INPP4B: variants seen among roughly 807,000 people sequenced by gnomAD.
INPP4B encodes inositol polyphosphate 4-phosphatase type II.
INPP4B carries 55 observed loss-of-function variants against 122.5 expected under a neutral mutation model. The ratio of observed to expected loss-of-function variants is 0.45; its 90% CI spans 0.36 to 0.56. The LOEUF (loss-of-function observed/expected upper bound fraction) is 0.56. Among genes scored for constraint, INPP4B ranks in the 20% least tolerant of loss-of-function variants. The pLI, the probability that INPP4B is intolerant of heterozygous loss-of-function variation, is 0.00. For missense variants in INPP4B, 1,000 were observed against 1,097.7 expected (o/e 0.91, Z 1.26); for synonymous variants, 403 against 388.7 (o/e 1.04, Z -0.43).
intron 2 of INPP4B, among the ~76,000 whole-genome samples, chr4:142,540,574 C>T (rs375102834): frequency 2.5e-4 from 38 of 152,266 alleles, no homozygotes; most frequent in Middle Eastern, 3.4e-3. Context: ...AATAGAAATA[C>T]TCATCTGCCA....
At chr4:142,471,769 TCCAAGCCTGAGCACCC>T (rs1818880123) in intron 2 of INPP4B, among the ~76,000 whole-genome samples, 1 of 136,196 alleles carries the variant, frequency 7.3e-6, no homozygotes, top group African/African-American at 2.6e-5. Context: ...GCACCCGCAA[TCCAAGCCTGAGCACCC>T]GCAATCCAAG....
At chr4:142,589,370 G>C (rs761908111) in intron 2 of INPP4B, among the ~76,000 whole-genome samples, 2 of 151,900 alleles carry the variant, frequency 1.3e-5, no homozygotes, top group Non-Finnish European at 2.9e-5. Context: ...ACACAGACTA[G>C]AATAAAATAT....
chr4:142,729,580 G>A (rs1005310556), intron 1 of INPP4B, among the ~76,000 whole-genome samples: 1 of 152,128 alleles, frequency 6.6e-6, no homozygotes, highest in African/African-American at 2.4e-5. Context: ...TGCTCACTAA[G>A]CAAGAAGGCT....
intron 2 of INPP4B, among the ~76,000 whole-genome samples, chr4:142,485,369 T>C (rs1164593954): frequency 6.6e-6 from 1 of 152,100 alleles, no homozygotes; most frequent in Non-Finnish European, 1.5e-5. Context: ...AAGCAACAAA[T>C]AATGATATTC....
At chr4:142,381,190 G>A (rs1793965199) in intron 7 of INPP4B, among the ~76,000 whole-genome samples, 1 of 152,032 alleles carries the variant, frequency 6.6e-6, no homozygotes, top group Non-Finnish European at 1.5e-5. Flanking sequence ...TTTTTTTAAA[G>A]GATGCAAAAA....
At chr4:142,521,733 A>C (rs115839092) in intron 2 of INPP4B, among the ~76,000 whole-genome samples, 179 of 152,256 alleles carry the variant, frequency 1.2e-3, no homozygotes, top group African/African-American at 4.0e-3. Flanking sequence ...CAAATAATAC[A>C]TAAGATTTCT....
intron 2 of INPP4B, among the ~76,000 whole-genome samples, chr4:142,576,381 T>G (rs938686411): frequency 6.6e-6 from 1 of 152,028 alleles, no homozygotes; most frequent in Non-Finnish European, 1.5e-5. Context: ...CTCAACATTA[T>G]GCAATCTACC....
intron 25 of INPP4B, among the ~76,000 whole-genome samples, chr4:142,066,913 A>G (rs893024567): frequency 3.3e-5 from 5 of 152,212 alleles, no homozygotes; most frequent in Non-Finnish European, 1.5e-5. Flanking sequence ...ATAGCTGAAC[A>G]AAAGGGAGCA....
intron 1 of INPP4B, among the ~76,000 whole-genome samples, chr4:142,782,212 T>C (rs1193799355): frequency 6.6e-6 from 1 of 151,836 alleles, no homozygotes; most frequent in Non-Finnish European, 1.5e-5. Flanking sequence ...AATTCCCACC[T>C]ATGAGTGAGA....
intron 11 of INPP4B, among the ~76,000 whole-genome samples, chr4:142,254,105 C>T (rs996013331): frequency 6.6e-6 from 1 of 152,118 alleles, no homozygotes. Context: ...ACTGACACCT[C>T]ACACGGCCGG....
intron 2 of INPP4B, among the ~76,000 whole-genome samples, chr4:142,660,218 T>C (rs1187243653): frequency 6.6e-6 from 1 of 152,098 alleles, no homozygotes; most frequent in Non-Finnish European, 1.5e-5. Context: ...ACAAGCTGCT[T>C]TGCATGGCGA....
At chr4:142,114,044 C>T (rs1791643783) in intron 21 of INPP4B, among the ~76,000 whole-genome samples, 1 of 151,978 alleles carries the variant, frequency 6.6e-6, no homozygotes, top group African/African-American at 2.4e-5. Context: ...TGCATATATC[C>T]TATGAATTGA....
intron 2 of INPP4B, among the ~76,000 whole-genome samples, chr4:142,601,907 T>C (rs1030353816): frequency 7.1e-6 from 1 of 140,446 alleles, no homozygotes; most frequent in Admixed American, 7.8e-5. Context: ...AGGCGGAGCT[T>C]GCAGTAAGCC....
intron 2 of INPP4B, among the ~76,000 whole-genome samples, chr4:142,521,291 A>G (rs964446319): frequency 6.6e-6 from 1 of 151,948 alleles, no homozygotes; most frequent in Admixed American, 6.6e-5. Context: ...GTAAAATAAG[A>G]TTGGGAAATA....
At chr4:142,086,293 G>C (rs1341316528) in intron 23 of INPP4B, 37 bp from the exon 24 acceptor site, 1 of 1,170,314 alleles carries the variant, frequency 8.5e-7, no homozygotes, top group East Asian at 2.3e-5. Context: ...AATAAAATGA[G>C]ACAGTGTTCA....
At chr4:142,428,305 T>C (rs1027650690) in intron 5 of INPP4B, among the ~76,000 whole-genome samples, 2 of 151,324 alleles carry the variant, frequency 1.3e-5, no homozygotes, top group Non-Finnish European at 3.0e-5. Flanking sequence ...TATGTAAAGA[T>C]TTTGATACTA....
intron 15 of INPP4B, among the ~76,000 whole-genome samples, chr4:142,187,964 A>G (rs1833902630): frequency 6.6e-6 from 1 of 152,116 alleles, no homozygotes. Flanking sequence ...TTTAACAGAA[A>G]AAAATATAAG....
chr4:142,344,352 T>C (rs1227793839), intron 7 of INPP4B, among the ~76,000 whole-genome samples: 2 of 151,950 alleles, frequency 1.3e-5, no homozygotes, highest in Non-Finnish European at 2.9e-5. Context: ...AAAGTGTTTT[T>C]AAAGGCCCTT....
rs530930006 is a variant in INPP4B, at chr4:142,250,345, C to T, written c.688+10147G>A. On this transcript the variant is annotated intron_variant, in intron 11 of 25. Transcript: ENST00000262992. The stretch of plus-strand genomic sequence containing the variant: ...GCTAGAGATGTAAATAGAATAGTGA[C>T]GAACTGATATAAGATATGACATTCT... 1.8e-4 allele frequency among the ~76,000 whole-genome samples: 28 copies of T among 152,232 alleles called. No individual in the cohort carries two copies. The South Asian group carries it at 2.9e-3, about 16-fold the overall frequency.
Sources: allele counts gnomAD v4.1 joint callset (sites outside exome capture counted in the v4.1 genomes callset), GRCh38; gene constraint gnomAD v4.1.1; transcripts MANE v1.5; gene names NCBI Gene and HGNC (gene_info 2026-07-23, HGNC 2026-07-21).